TBC1D19: variants seen among roughly 807,000 people sequenced by gnomAD.
The protein encoded by TBC1D19 is TBC1 domain family member 19, also known as TBC1 domain family, member 19.
Under a neutral mutation model 89.0 loss-of-function variants are expected in TBC1D19, and 60 were observed. The ratio of observed to expected loss-of-function variants is 0.67; its 90% confidence interval spans 0.55 to 0.84. TBC1D19 has a LOEUF of 0.84. Among genes scored for constraint, TBC1D19 ranks in the 40% least tolerant of loss-of-function variants. The pLI is 0.00. For synonymous variants in TBC1D19, 189 were observed against 199.7 expected (o/e 0.95, Z 0.45); for missense variants, 500 against 610.8 (o/e 0.82, Z 1.91).
At chr4:26,766,672 A>C in the TBC1D19 span, among the ~76,000 whole-genome samples, 2 of 152,186 alleles carry the variant, frequency 1.3e-5, no homozygotes, top group Non-Finnish European at 2.9e-5. Context: ...TTTTCACAAT[A>C]TACCCATATT....
At chr4:26,638,748 A>G in intron 5 of TBC1D19, 23 bp from the exon 6 acceptor site, 1 of 1,584,964 alleles carries the variant, frequency 6.3e-7, no homozygotes, top group Non-Finnish European at 8.6e-7. Flanking sequence ...AAATGAAACC[A>G]GTTTCAAAAT....
intron 1 of TBC1D19, among the ~76,000 whole-genome samples, chr4:26,612,276 T>C (rs984033754): frequency 6.6e-6 from 1 of 151,398 alleles, no homozygotes; most frequent in African/African-American, 2.4e-5. Context: ...AAAATCTCAC[T>C]GCCACCAGTG....
intron 7 of TBC1D19, among the ~76,000 whole-genome samples, chr4:26,653,989 C>T (rs1441598840): frequency 6.6e-6 from 1 of 152,116 alleles, no homozygotes; most frequent in African/African-American, 2.4e-5. Flanking sequence ...TACAATTTGC[C>T]ACGTTTTTGC....
intron 18 of TBC1D19, among the ~76,000 whole-genome samples, chr4:26,743,646 G>A (rs1455181458): frequency 6.6e-6 from 1 of 151,944 alleles, no homozygotes; most frequent in African/African-American, 2.4e-5. Flanking sequence ...AGACATCTTA[G>A]AGATGGCCTT....
At chr4:26,829,283 G>A in the TBC1D19 span, among the ~76,000 whole-genome samples, 25 of 152,272 alleles carry the variant, frequency 1.6e-4, no homozygotes, top group Middle Eastern at 0.01. Flanking sequence ...CTCTGTTCTC[G>A]CTGTGGGAGT....
the TBC1D19 span, among the ~76,000 whole-genome samples, chr4:26,849,228 A>G: frequency 7.0e-6 from 1 of 143,790 alleles, no homozygotes; most frequent in African/African-American, 2.5e-5. Flanking sequence ...ACACACACAC[A>G]CACGGGCCTC....
intron 15 of TBC1D19, among the ~76,000 whole-genome samples, chr4:26,735,059 TG>T (rs1717942722): frequency 6.6e-6 from 1 of 151,228 alleles, no homozygotes; most frequent in South Asian, 2.1e-4. Flanking sequence ...CATGTATATA[TG>T]TATATATGTA....
At chr4:26,620,952 T>C (rs1201149729) in intron 4 of TBC1D19, among the ~76,000 whole-genome samples, 1 of 152,196 alleles carries the variant, frequency 6.6e-6, no homozygotes, top group African/African-American at 2.4e-5. Context: ...ATTTAAAATA[T>C]GGTACAAGTG....
chr4:26,670,346 A>C (rs571468181), intron 9 of TBC1D19, among the ~76,000 whole-genome samples: 18 of 151,656 alleles, frequency 1.2e-4, no homozygotes, highest in African/African-American at 4.1e-4. Context: ...AACTAAAAGA[A>C]TAAGGCATTC....
chr4:26,616,429 G>T (rs979782660), intron 3 of TBC1D19, among the ~76,000 whole-genome samples: 5 of 152,116 alleles, frequency 3.3e-5, no homozygotes, highest in Non-Finnish European at 5.9e-5. Context: ...GCACATCAAG[G>T]GTGGGGAAGA....
At chr4:26,808,727 CAAAAAAAAAAAAAAAA>C in the TBC1D19 span, among the ~76,000 whole-genome samples, 1 of 95,112 alleles carries the variant, frequency 1.1e-5, no homozygotes, top group South Asian at 3.7e-4. Flanking sequence ...GACTCTGTCT[CAAAAAAAAAAAAAAAA>C]AAAGAAAAAG....
chr4:26,633,170 G>A (rs946966650), intron 4 of TBC1D19, among the ~76,000 whole-genome samples: 10 of 152,210 alleles, frequency 6.6e-5, no homozygotes, highest in South Asian at 6.2e-4. Context: ...CAACAATGGC[G>A]TCTTCAATGG....
intron 13 of TBC1D19, among the ~76,000 whole-genome samples, chr4:26,703,833 C>A (rs1037185714): frequency 6.6e-6 from 1 of 151,060 alleles, no homozygotes. Context: ...TGGTGGCGGG[C>A]GCCTGTAGTC....
the TBC1D19 span, among the ~76,000 whole-genome samples, chr4:26,842,583 C>CCTTCCTTTCTTTTTCTTT: frequency 1.4e-5 from 1 of 70,538 alleles, no homozygotes; most frequent in Non-Finnish European, 2.9e-5. Flanking sequence ...TTCCTCCCTC[C>CCTTCCTTTCTTTTTCTTT]CTTTCTTTCT....
chr4:26,753,468 A>AAAAAAC (rs1184461476), intron 19 of TBC1D19, among the ~76,000 whole-genome samples: 3 of 152,202 alleles, frequency 2.0e-5, no homozygotes, highest in East Asian at 1.9e-4. Context: ...CATCTCTACC[A>AAAAAAC]AAAAACAAAA....
At chr4:26,685,879 T>G (rs192095504) in intron 12 of TBC1D19, among the ~76,000 whole-genome samples, 1 of 152,136 alleles carries the variant, frequency 6.6e-6, no homozygotes, top group African/African-American at 2.4e-5. Flanking sequence ...TAAAAAAAAG[T>G]AAGGAGTGCT....
chr4:26,752,622 A>T (rs1445267699), intron 19 of TBC1D19, among the ~76,000 whole-genome samples: 1 of 152,142 alleles, frequency 6.6e-6, no homozygotes, highest in African/African-American at 2.4e-5. Flanking sequence ...ATCACTGGTG[A>T]TGGAGAGAAA....
At chr4:26,712,509 C>G (rs1228813024) in intron 13 of TBC1D19, among the ~76,000 whole-genome samples, 1 of 151,980 alleles carries the variant, frequency 6.6e-6, no homozygotes, top group Non-Finnish European at 1.5e-5. Flanking sequence ...TACATTGGGC[C>G]CAGCCAGACA....
chr4:26,844,017 T>C, the TBC1D19 span, among the ~76,000 whole-genome samples: 3 of 152,300 alleles, frequency 2.0e-5, no homozygotes, highest in Admixed American at 6.5e-5. Context: ...CCTCCTACCA[T>C]GTCCACCTCC....
Sources: gnomAD v4.1 joint callset for allele counts (sites outside exome capture counted in the v4.1 genomes callset) on GRCh38, gnomAD v4.1.1 for gene constraint, MANE v1.5 for transcripts, NCBI Gene and HGNC (gene_info 2026-07-23, HGNC 2026-07-21) for gene names.